HECTD2: variants seen among roughly 807,000 people sequenced by gnomAD.
HECTD2 encodes HECT domain E3 ubiquitin protein ligase 2, also known as probable E3 ubiquitin-protein ligase HECTD2.
Under a neutral mutation model 103.2 loss-of-function variants are expected in HECTD2, and 35 were observed. The ratio of observed to expected loss-of-function variants is 0.34; its 90% CI spans 0.26 to 0.45. HECTD2 has a LOEUF of 0.45. HECTD2 is among the 20% of genes least tolerant of loss of function. The pLI is 1.00. For synonymous variants in HECTD2, 281 were observed against 329.9 expected (o/e 0.85, Z 1.61); for missense variants, 596 against 937.4 (o/e 0.64, Z 4.76).
Position 91,416,565 on chromosome 10 carries a change from A to G in HECTD2, c.138+5989A>G, listed in dbSNP as rs553077909. On this transcript the variant is annotated intron_variant, in intron 1 of 20. Transcript: ENST00000298068. ...AGGTGTGTAGTAAGCTGTACTATCT[A>G]GATTTGTATAAGTACACTCTGTGAT... 7.8e-4 allele frequency among the ~76,000 whole-genome samples: 110 copies of G among 141,622 alleles called. 1 individual carries two copies. In the South Asian group the frequency reaches 8.1e-3, roughly 10 times the overall value. 92.9% of individuals were successfully genotyped at this position (141,622 alleles called of 152,430 possible). A position where few individuals can be genotyped will look rare whatever the true frequency, so the allele number is the denominator to read the frequency against.
At chr10:91,458,615 G>A (rs191916698) in intron 2 of HECTD2, among the ~76,000 whole-genome samples, 7 of 151,972 alleles carry the variant, frequency 4.6e-5, no homozygotes, top group Non-Finnish European at 8.8e-5. Flanking sequence ...TTTGACAAAG[G>A]TCCAAAAGCA....
intron 2 of HECTD2, among the ~76,000 whole-genome samples, chr10:91,435,961 A>G (rs1778737675): frequency 6.6e-6 from 1 of 151,798 alleles, no homozygotes; most frequent in Non-Finnish European, 1.5e-5. Flanking sequence ...TCTTCTATTG[A>G]GTATCTTACT....
intron 2 of HECTD2, among the ~76,000 whole-genome samples, chr10:91,452,823 A>G (rs569078677): frequency 5.3e-5 from 8 of 152,292 alleles, no homozygotes; most frequent in East Asian, 1.9e-4. Flanking sequence ...AGGACTGTCA[A>G]TGCAGAATCC....
intron 13 of HECTD2, 32 bp downstream of exon 13, chr10:91,492,516 G>A: frequency 2.0e-6 from 3 of 1,532,096 alleles, no homozygotes; most frequent in Non-Finnish European, 2.7e-6. Flanking sequence ...TATAAACTGT[G>A]TTTCTTCATA....
In HECTD2 at chr10:91,430,229, C is replaced by G. The variant is rs887928746; in HGVS notation, c.268+4819C>G. Among the ~76,000 whole-genome samples the G allele has an allele frequency of 2.4e-3, 359 of 152,244 alleles. 2 individuals carry two copies. The highest frequency in any genetic ancestry group is 7.9e-3 in the African/African-American group (326 of 41,528). On this transcript the variant is annotated intron_variant, in intron 2 of 20. Coordinates refer to ENST00000298068, the MANE Select transcript of HECTD2 (RefSeq NM_182765.6). ...AATCCTGAGTTCTAGTTTGATTGCA[C>G]TGTGGTCTGAGAGACAGTTTGTTAT...
intron 2 of HECTD2, among the ~76,000 whole-genome samples, chr10:91,433,632 A>G (rs1195688700): frequency 6.6e-6 from 1 of 151,940 alleles, no homozygotes; most frequent in Non-Finnish European, 1.5e-5. Context: ...GTTATTGCAG[A>G]CAATGCCACA....
At chr10:91,412,226 G>A (rs919915919) in intron 1 of HECTD2, among the ~76,000 whole-genome samples, 5 of 152,146 alleles carry the variant, frequency 3.3e-5, no homozygotes, top group East Asian at 3.8e-4. Flanking sequence ...AGTCAGTAGC[G>A]TCATGTCATT....
chr10:91,443,314 T>A (rs890371040), intron 2 of HECTD2, among the ~76,000 whole-genome samples: 11 of 127,538 alleles, frequency 8.6e-5, no homozygotes, highest in Non-Finnish European at 1.3e-4. Flanking sequence ...CCTTTCTGTT[T>A]GTTAGTTTTC....
chr10:91,433,850 G>A (rs754530507), intron 2 of HECTD2, among the ~76,000 whole-genome samples: 3 of 151,882 alleles, frequency 2.0e-5, no homozygotes, highest in Non-Finnish European at 2.9e-5. Flanking sequence ...TGAATGGGAG[G>A]CACTTTTTCT....
At chr10:91,456,017 G>A (rs1845072925) in intron 2 of HECTD2, among the ~76,000 whole-genome samples, 1 of 152,166 alleles carries the variant, frequency 6.6e-6, no homozygotes, top group Admixed American at 6.5e-5. Flanking sequence ...GATGCCTCCA[G>A]CTTTGTTCTT....
chr10:91,481,476 C>T (rs575339899), intron 7 of HECTD2, among the ~76,000 whole-genome samples: 5 of 151,456 alleles, frequency 3.3e-5, no homozygotes, highest in Non-Finnish European at 7.4e-5. Context: ...CCATTCAAAC[C>T]TGTTTCTTGT....
chr10:91,434,226 T>C (rs1844018859), intron 2 of HECTD2, among the ~76,000 whole-genome samples: 1 of 152,016 alleles, frequency 6.6e-6, no homozygotes, highest in Non-Finnish European at 1.5e-5. Context: ...AAAGTCATCC[T>C]ATAGACAATG....
chr10:91,462,199 A>G lies in HECTD2; in HGVS notation c.600+15A>G. 1 of 1,569,060 alleles carries G rather than the reference A, an allele frequency of 6.4e-7. No homozygotes were observed. On this transcript the variant is annotated intron_variant, in intron 5 of 20. Transcript: ENST00000298068. Reference sequence around the variant, plus strand: ...TACTTAATACTGTAAGTATTATGACATGCAAGTAATATTATTCTGTGTCTC... The same window carrying G: ...TACTTAATACTGTAAGTATTATGACGTGCAAGTAATATTATTCTGTGTCTC...
chr10:91,482,371 T>C (rs1456530385), intron 7 of HECTD2, among the ~76,000 whole-genome samples: 1 of 151,984 alleles, frequency 6.6e-6, no homozygotes, highest in Non-Finnish European at 1.5e-5. Context: ...TTTTCTTAGT[T>C]TACAAGTATT....
intron 1 of HECTD2, 138 bp downstream of exon 1, chr10:91,410,714 C>G (rs961844119): frequency 1.3e-6 from 1 of 758,884 alleles, no homozygotes; most frequent in Non-Finnish European, 1.8e-6. Context: ...TCAGGCCGCC[C>G]TTCCTTGGGC....
chr10:91,471,680 A>C (rs1845732864), intron 5 of HECTD2, among the ~76,000 whole-genome samples: 1 of 152,226 alleles, frequency 6.6e-6, no homozygotes, highest in African/African-American at 2.4e-5. Context: ...CTAAGCAGAG[A>C]GCCAAATCAA....
chr10:91,462,583 C>T (rs1178624164), intron 5 of HECTD2: 2 of 1,042,942 alleles, frequency 1.9e-6, no homozygotes, highest in East Asian at 5.9e-5. Context: ...GGGTGAAGCC[C>T]AAGAATTTTC....
intron 6 of HECTD2, among the ~76,000 whole-genome samples, chr10:91,480,091 C>A (rs1465260684): frequency 6.6e-6 from 1 of 151,870 alleles, no homozygotes; most frequent in African/African-American, 2.4e-5. Flanking sequence ...AAAGATGAAA[C>A]CCCTGTTACA....
At chr10:91,415,551 TGA>T (rs1312359640) in intron 1 of HECTD2, among the ~76,000 whole-genome samples, 2 of 152,160 alleles carry the variant, frequency 1.3e-5, no homozygotes, top group Non-Finnish European at 2.9e-5. Flanking sequence ...AAAAAGAATC[TGA>T]GAGTCAGGTT....
Sources: allele counts gnomAD v4.1 joint callset (sites outside exome capture counted in the v4.1 genomes callset), GRCh38; gene constraint gnomAD v4.1.1; transcripts MANE v1.5; gene names NCBI Gene and HGNC (gene_info 2026-07-23, HGNC 2026-07-21).